SNTG2: variants seen among roughly 807,000 people sequenced by gnomAD.
SNTG2 encodes the protein syntrophin gamma 2.
SNTG2 carries 74 observed loss-of-function variants against 70.9 expected under a neutral mutation model. That is an observed-to-expected ratio of 1.04 (90% confidence interval 0.86 to 1.27). The LOEUF is 1.27. Among genes scored for constraint, SNTG2 ranks in the 50% most tolerant of loss-of-function variants. The probability of loss-of-function intolerance (pLI) is 0.00; values close to 1 mark genes in which losing one functional copy is unlikely to be tolerated. For missense variants in SNTG2, 717 were observed against 690.7 expected (o/e 1.04, Z -0.43); for synonymous variants, 278 against 273.8 (o/e 1.02, Z -0.15).
At chr2:1,054,140 C>A (rs1357643885) in intron 1 of SNTG2, among the ~76,000 whole-genome samples, 2 of 152,164 alleles carry the variant, frequency 1.3e-5, no homozygotes, top group Non-Finnish European at 2.9e-5. Context: ...TCATTGCCAC[C>A]CTGATTCAGA....
chr2:963,188 A>G (rs1295530715), intron 1 of SNTG2, among the ~76,000 whole-genome samples: 1 of 152,182 alleles, frequency 6.6e-6, no homozygotes, highest in Non-Finnish European at 1.5e-5. Context: ...CATTAACATA[A>G]TGAATTTAAA....
intron 16 of SNTG2, among the ~76,000 whole-genome samples, chr2:1,365,566 T>C (rs56113903): frequency 0.72 from 109,507 of 151,822 alleles, 39,787 homozygotes; most frequent in East Asian, 0.94. Context: ...GAAGTCCTCT[T>C]CCGGCAGGCT....
At chr2:977,565 G>C (rs1660949026) in intron 1 of SNTG2, among the ~76,000 whole-genome samples, 1 of 152,166 alleles carries the variant, frequency 6.6e-6, no homozygotes, top group Non-Finnish European at 1.5e-5. Flanking sequence ...ATAACCGACA[G>C]CTTCCCTCCC....
intron 1 of SNTG2, among the ~76,000 whole-genome samples, chr2:958,605 C>T (rs899950882): frequency 7.2e-5 from 11 of 152,200 alleles, no homozygotes; most frequent in East Asian, 5.8e-4. Context: ...TCTAAAGTCA[C>T]CATTATCTAA....
At chr2:1,222,140 T>TGC (rs1157291650) in intron 9 of SNTG2, among the ~76,000 whole-genome samples, 1 of 115,332 alleles carries the variant, frequency 8.7e-6, no homozygotes, top group African/African-American at 2.7e-5. Context: ...TCTCTGTCTC[T>TGC]CTCTGTCTCT....
At chr2:1,224,762 C>A (rs1389557653) in intron 9 of SNTG2, among the ~76,000 whole-genome samples, 2 of 152,180 alleles carry the variant, frequency 1.3e-5, no homozygotes, top group Non-Finnish European at 2.9e-5. Flanking sequence ...AGTCTGCAGG[C>A]CTTGCCTGGG....
At chr2:1,360,541 C>T (rs554691253) in intron 16 of SNTG2, among the ~76,000 whole-genome samples, 4 of 152,230 alleles carry the variant, frequency 2.6e-5, no homozygotes, top group Admixed American at 6.5e-5. Flanking sequence ...TGGCACCTGC[C>T]ACAACAAGTG....
chr2:1,010,773 T>C (rs1302161539), intron 1 of SNTG2, among the ~76,000 whole-genome samples: 3 of 152,172 alleles, frequency 2.0e-5, no homozygotes, highest in Non-Finnish European at 4.4e-5. Context: ...GACAGGGCTA[T>C]GAATGACAGC....
chr2:972,326 C>T (rs1395192022), intron 1 of SNTG2, among the ~76,000 whole-genome samples: 1 of 152,120 alleles, frequency 6.6e-6, no homozygotes, highest in Non-Finnish European at 1.5e-5. Flanking sequence ...GTGTTGAGTC[C>T]ATACACATTT....
chr2:1,138,361 A>G (rs923445169), intron 6 of SNTG2, among the ~76,000 whole-genome samples: 2 of 152,160 alleles, frequency 1.3e-5, no homozygotes, highest in African/African-American at 2.4e-5. Flanking sequence ...GCTTTCTCCA[A>G]TGTCACGTCA....
chr2:1,098,370 C>G lies in SNTG2; in HGVS notation c.285C>G (p.Asn95Lys), dbSNP rs547438895. ...GLSIKGGSEH[N>K]VPVVISKIFE... is the part of the protein sequence containing the mutation. ...TCTTTCAGGGAGGTTCTGAGCACAA[C>G]GTCCCTGTCGTCATATCAAAAATAT... Residue 95 changes from asparagine to lysine, a missense_variant, in exon 4 of 17, where the codon AAC becomes AAG. Asn to Lys is a moderately conservative substitution (Grantham distance 94). Transcript: ENST00000308624. 2.5e-6 allele frequency: 4 copies of G among 1,613,972 alleles called. No homozygotes were observed. The South Asian group carries it at 3.3e-5, about 13-fold the overall frequency.
intron 9 of SNTG2, among the ~76,000 whole-genome samples, chr2:1,218,640 T>C (rs1185938643): frequency 6.6e-6 from 1 of 152,132 alleles, no homozygotes; most frequent in Non-Finnish European, 1.5e-5. Flanking sequence ...TCCACAATCA[T>C]TTTGCAAGTG....
chr2:1,251,648 A>ACACACACCACACATG (rs1385242886), intron 12 of SNTG2, among the ~76,000 whole-genome samples: 2 of 140,680 alleles, frequency 1.4e-5, no homozygotes, highest in East Asian at 4.2e-4. Context: ...CACAAACCCC[A>ACACACACCACACATG]CACACACCAC....
Position 1,137,818 on chromosome 2 carries a change from A to G in SNTG2, c.411+9A>G, listed in dbSNP as rs762168676. 6.2e-7 allele frequency: 1 copy of G among 1,603,498 alleles called. No homozygotes were observed. The highest frequency in any genetic ancestry group is 2.2e-5 in the East Asian group (1 of 44,824). ...CAACTCATGAAGAAGTGGTAAGTGAATTACATTTTATAGTTATTCTGTTTA... is the reference window on the plus strand; with the variant it reads ...CAACTCATGAAGAAGTGGTAAGTGAGTTACATTTTATAGTTATTCTGTTTA... On this transcript the variant is annotated intron_variant, in intron 6 of 16. Coordinates refer to ENST00000308624, the MANE Select transcript of SNTG2 (RefSeq NM_018968.4).
At chr2:1,223,280 C>T (rs1252002899) in intron 9 of SNTG2, among the ~76,000 whole-genome samples, 3 of 147,536 alleles carry the variant, frequency 2.0e-5, no homozygotes, top group Non-Finnish European at 1.5e-5. Context: ...TGGAGTGCGT[C>T]TCCCTGTCCT....
chr2:1,153,124 CA>C (rs60254441), intron 6 of SNTG2, among the ~76,000 whole-genome samples: 10,117 of 133,940 alleles, frequency 0.076, 630 homozygotes, highest in African/African-American at 0.17. Context: ...AACTCCATCT[CA>C]AAAAAAAAAA....
chr2:1,038,052 C>T (rs958155636), intron 1 of SNTG2, among the ~76,000 whole-genome samples: 1 of 152,116 alleles, frequency 6.6e-6, no homozygotes, highest in East Asian at 1.9e-4. Context: ...TTTTGTATTC[C>T]TCCCAGTGGT....
chr2:1,016,026 C>T (rs1277713943), intron 1 of SNTG2, among the ~76,000 whole-genome samples: 4 of 152,152 alleles, frequency 2.6e-5, no homozygotes, highest in Admixed American at 2.6e-4. Flanking sequence ...ATGTGTTATG[C>T]TTTGTTAATT....
At chr2:1,191,972 A>C (rs781007336) in intron 8 of SNTG2, among the ~76,000 whole-genome samples, 2 of 152,184 alleles carry the variant, frequency 1.3e-5, no homozygotes, top group Non-Finnish European at 2.9e-5. Flanking sequence ...ATAGACATTT[A>C]AGTAAATAAC....
Sources: allele counts gnomAD v4.1 joint callset (sites outside exome capture counted in the v4.1 genomes callset), GRCh38; gene constraint gnomAD v4.1.1; transcripts MANE v1.5; gene names NCBI Gene and HGNC (gene_info 2026-07-23, HGNC 2026-07-21).